Variants in CHN2 observed in about 807,000 individuals in gnomAD.
CHN2 encodes the protein beta-chimaerin.
In CHN2, 35 loss-of-function variants were observed where a neutral mutation model predicts 56.3. That is an observed-to-expected ratio of 0.62 (90% CI 0.47 to 0.82). The LOEUF (loss-of-function observed/expected upper bound fraction) is 0.82. Among genes scored for constraint, CHN2 ranks in the 40% least tolerant of loss-of-function variants. The pLI is 0.00. For missense variants in CHN2, 491 were observed against 580.5 expected, an observed-to-expected ratio of 0.85 and a Z score of 1.58; for synonymous variants, 210 against 212.8, an observed-to-expected ratio of 0.99 and a Z score of 0.12.
At chr7:29,442,062 C>T (rs962925803) in intron 6 of CHN2, among the ~76,000 whole-genome samples, 1 of 152,032 alleles carries the variant, frequency 6.6e-6, no homozygotes, top group African/African-American at 2.4e-5. Context: ...GATAAACAAA[C>T]GGTGGTATAT....
chr7:29,259,633 G>A (rs1789383698), intron 1 of CHN2, among the ~76,000 whole-genome samples: 1 of 151,988 alleles, frequency 6.6e-6, no homozygotes. Flanking sequence ...TAAATTCTGG[G>A]GACCTAACAT....
chr7:29,342,620 G>T (rs1956973089), intron 1 of CHN2, among the ~76,000 whole-genome samples: 2 of 152,212 alleles, frequency 1.3e-5, no homozygotes, highest in African/African-American at 2.4e-5. Context: ...TAAATGGAAA[G>T]AGTGGAGAGC....
At chr7:29,233,978 C>T (rs1426084123) in intron 1 of CHN2, among the ~76,000 whole-genome samples, 6 of 149,826 alleles carry the variant, frequency 4.0e-5, no homozygotes, top group Non-Finnish European at 5.9e-5. Context: ...GGACTACAGG[C>T]GCCCGCCACC....
chr7:29,311,644 A>G (rs1234417996), intron 1 of CHN2, among the ~76,000 whole-genome samples: 3 of 152,078 alleles, frequency 2.0e-5, no homozygotes, highest in Non-Finnish European at 4.4e-5. Flanking sequence ...TGCTTCTCAT[A>G]TTTCTAAGGT....
In CHN2 at chr7:29,512,745, G is replaced by A. The variant is rs1406187468; in HGVS notation, c.*10G>A. The stretch of plus-strand genomic sequence containing the variant: ...AGACGTTTTATTCTAATCCATCAGG[G>A]AAATGAGCTGAATGGCCCCAGCACC... On this transcript the variant is annotated 3_prime_UTR_variant, in exon 13 of 13. Coordinates refer to ENST00000222792, the MANE Select transcript of CHN2 (RefSeq NM_004067.4). 2 of 1,613,126 alleles carry A rather than the reference G, an allele frequency of 1.2e-6. No individual in the cohort carries two copies. Among genetic ancestry groups the A allele is most frequent in the African/African-American group, 2.7e-5 (2 of 74,848 alleles).
intron 2 of CHN2, among the ~76,000 whole-genome samples, chr7:29,157,915 A>C (rs1344427763): frequency 6.6e-6 from 1 of 152,058 alleles, no homozygotes; most frequent in African/African-American, 2.4e-5. Flanking sequence ...CTTTCATTTT[A>C]CTCTTCCTTA....
At chr7:29,419,920 C>G (rs1804159043) in intron 6 of CHN2, among the ~76,000 whole-genome samples, 1 of 152,036 alleles carries the variant, frequency 6.6e-6, no homozygotes, top group African/African-American at 2.4e-5. Context: ...ATTAGCCAGG[C>G]ATGGTGGCAC....
At chr7:29,234,794 T>C (rs887706917) in intron 1 of CHN2, among the ~76,000 whole-genome samples, 2 of 152,244 alleles carry the variant, frequency 1.3e-5, no homozygotes, top group African/African-American at 4.8e-5. Flanking sequence ...TAAGTTGGTG[T>C]TCTAAAAAGT....
upstream of CHN2, among the ~76,000 whole-genome samples, chr7:29,190,735 A>T (rs1782783049): frequency 6.6e-6 from 1 of 152,134 alleles, no homozygotes; most frequent in African/African-American, 2.4e-5. Flanking sequence ...ATGTGTTGTT[A>T]CTCATTGTCT....
At chr7:29,259,868 C>T (rs1209269411) in intron 1 of CHN2, among the ~76,000 whole-genome samples, 1 of 152,040 alleles carries the variant, frequency 6.6e-6, no homozygotes, top group African/African-American at 2.4e-5. Flanking sequence ...GTCAGTTATA[C>T]CTTAGTATAG....
chr7:29,430,711 A>G (rs1271245803), intron 6 of CHN2, among the ~76,000 whole-genome samples: 1 of 151,610 alleles, frequency 6.6e-6, no homozygotes, highest in African/African-American at 2.4e-5. Flanking sequence ...ATATGTACGA[A>G]GGCAGTTTTA....
At chr7:29,153,227 CT>C (rs1230745165) in intron 2 of CHN2, among the ~76,000 whole-genome samples, 2 of 152,180 alleles carry the variant, frequency 1.3e-5, no homozygotes, top group Non-Finnish European at 2.9e-5. Flanking sequence ...GTATGTGGGC[CT>C]CTGTGTGTAC....
chr7:29,303,798 G>A (rs930236207), intron 1 of CHN2, among the ~76,000 whole-genome samples: 7 of 152,314 alleles, frequency 4.6e-5, no homozygotes, highest in South Asian at 2.1e-4. Context: ...GGTGGCTCAC[G>A]CTTGTAATCC....
chr7:29,400,833 G>A lies in CHN2; in HGVS notation c.576+5G>A. The A allele has an allele frequency of 1.9e-6, 3 of 1,612,520 alleles. No homozygotes were observed. The highest frequency in any genetic ancestry group is 1.1e-5 in the South Asian group (1 of 90,912). On this transcript the variant is annotated splice_donor_5th_base_variant and intron_variant, in intron 6 of 12. Transcript: ENST00000222792. ...GAACACACAGCGGTGGAAAAGGTGA[G>A]CTGTGTGTGATGGAAGCAGCCTTTC...
intron 2 of CHN2, among the ~76,000 whole-genome samples, chr7:29,152,909 A>G (rs897472177): frequency 3.3e-5 from 5 of 152,210 alleles, no homozygotes; most frequent in African/African-American, 9.6e-5. Context: ...TCTTTGCCCA[A>G]ATGTCCACAA....
At chr7:29,293,339 C>T (rs114415987) in intron 1 of CHN2, among the ~76,000 whole-genome samples, 1,701 of 149,192 alleles carry the variant, frequency 0.011, 45 homozygotes, top group African/African-American at 0.041. Flanking sequence ...TCTACCTACA[C>T]CCTTCTTCTG....
chr7:29,459,480 C>A (rs1197028558), intron 6 of CHN2, among the ~76,000 whole-genome samples: 1 of 152,168 alleles, frequency 6.6e-6, no homozygotes, highest in Non-Finnish European at 1.5e-5. Context: ...CTCGCCTCCC[C>A]TGCAGGTTGT....
intron 1 of CHN2, among the ~76,000 whole-genome samples, chr7:29,330,178 A>G (rs1445566921): frequency 6.6e-6 from 1 of 152,220 alleles, no homozygotes; most frequent in Non-Finnish European, 1.5e-5. Context: ...ACCTCAGTGT[A>G]TGTTCATATC....
At chr7:29,397,010 A>G (rs778978648) in intron 4 of CHN2, 2 of 152,244 alleles carry the variant, frequency 1.3e-5, no homozygotes, top group Non-Finnish European at 2.9e-5. Context: ...GGATTCACAG[A>G]ACATTCATCC....
Sources: gnomAD v4.1 joint callset for allele counts (sites outside exome capture counted in the v4.1 genomes callset) on GRCh38, gnomAD v4.1.1 for gene constraint, MANE v1.5 for transcripts, NCBI Gene and HGNC (gene_info 2026-07-23, HGNC 2026-07-21) for gene names.